MICAL2: variants seen among roughly 807,000 people sequenced by gnomAD.
MICAL2 encodes [F-actin]-monooxygenase MICAL2.
A neutral mutation model predicts 127.3 loss-of-function variants in MICAL2; 77 were observed. That is an observed-to-expected ratio of 0.60 (90% CI 0.50 to 0.73). MICAL2 has a LOEUF of 0.73. Ranked by LOEUF, MICAL2 falls within the 30% of genes least tolerant of loss-of-function variation. The pLI, the probability that MICAL2 is intolerant of heterozygous loss-of-function variation, is 0.00. For synonymous variants in MICAL2, 570 were observed against 551.1 expected, an observed-to-expected ratio of 1.03 and a Z score of -0.48; for missense variants, 1,351 against 1,434.4, an observed-to-expected ratio of 0.94 and a Z score of 0.94.
intron 32 of MICAL2, among the ~76,000 whole-genome samples, chr11:12,329,331 G>A (rs1293621691): frequency 1.3e-5 from 2 of 152,176 alleles, no homozygotes; most frequent in Non-Finnish European, 2.9e-5. Flanking sequence ...TTTGGTGCTT[G>A]GTCATATTCC....
Position 12,236,966 on chromosome 11 carries a change from C to T in MICAL2, c.2064+721C>T, listed in dbSNP as rs61877162. On this transcript the variant is annotated intron_variant, in intron 16 of 27. Transcript: ENST00000683283. The stretch of plus-strand genomic sequence containing the variant: ...AATGATGACTTAGAGGCATGAGGGA[C>T]GGTCTGTATAATACATTGATATCTG... Among the ~76,000 whole-genome samples, 1,471 of 152,258 alleles carry T rather than the reference C, an allele frequency of 9.7e-3. 29 individuals are homozygous for T. Among genetic ancestry groups the T allele is most frequent in the East Asian group, 0.04 (208 of 5,178 alleles).
chr11:12,280,413 A>C (rs1863760135), intron 1 of MICAL2, among the ~76,000 whole-genome samples: 1 of 152,156 alleles, frequency 6.6e-6, no homozygotes, highest in African/African-American at 2.4e-5. Context: ...ACAAAGCACC[A>C]CAGACTGGGT....
At chr11:12,153,843 G>T (rs1270198503) in intron 2 of MICAL2, among the ~76,000 whole-genome samples, 5 of 152,218 alleles carry the variant, frequency 3.3e-5, no homozygotes, top group African/African-American at 1.2e-4. Context: ...CAGTTTTCCT[G>T]GGCACCCAAT....
Position 12,163,135 on chromosome 11 carries a change from G to T in MICAL2, c.264+716G>T, listed in dbSNP as rs1855034684. 2.0e-5 allele frequency among the ~76,000 whole-genome samples: 3 copies of T among 152,234 alleles called. No homozygotes were observed. In the South Asian group the frequency reaches 6.2e-4, roughly 32 times the overall value. On this transcript the variant is annotated intron_variant, in intron 3 of 27. Transcript: ENST00000683283. ...CTCATAGTTAAGCCTACACGAACTG[G>T]TTGCATCCCCCATCATTTGGCCATA...
intron 29 of MICAL2, among the ~76,000 whole-genome samples, chr11:12,313,101 G>C (rs1864192991): frequency 7.0e-6 from 1 of 143,856 alleles, no homozygotes; most frequent in East Asian, 2.1e-4. Flanking sequence ...CGGAGAGGCG[G>C]AGCTTGCAGT....
chr11:12,186,467 TATAA>T (rs1436080688), intron 3 of MICAL2, among the ~76,000 whole-genome samples: 1 of 152,210 alleles, frequency 6.6e-6, no homozygotes, highest in Non-Finnish European at 1.5e-5. Context: ...TGTATGTGTA[TATAA>T]ATACTATATG....
intron 1 of MICAL2, among the ~76,000 whole-genome samples, chr11:12,138,049 AT>A (rs1380761025): frequency 2.0e-5 from 3 of 152,236 alleles, no homozygotes; most frequent in Non-Finnish European, 4.4e-5. Context: ...ACACTTAAAA[AT>A]TCTGACACTT....
intron 22 of MICAL2, among the ~76,000 whole-genome samples, chr11:12,251,812 A>G (rs1030285790): frequency 1.3e-5 from 2 of 152,244 alleles, no homozygotes; most frequent in Middle Eastern, 6.8e-3. Context: ...AGCCCTCTGC[A>G]TGCTTCAGTA....
rs1313002523 is a variant in MICAL2 at position 12,110,998 on chromosome 11, C to G, written c.-149+272C>G. Among the ~76,000 whole-genome samples, 1 of 152,186 alleles carries G rather than the reference C, an allele frequency of 6.6e-6. No individual in the cohort carries two copies. The highest frequency in any genetic ancestry group is 1.9e-4 in the East Asian group (1 of 5,182). On this transcript the variant is annotated intron_variant, in intron 1 of 27. Coordinates refer to ENST00000683283, the MANE Select transcript of MICAL2 (RefSeq NM_001282663.2). The surrounding 1 kb of genome is among the most constrained non-coding windows in gnomAD (Gnocchi z 4.5). ...CGCCGAACTACCTCTTACTCCGCTCCGCAACACCCAAACCCTGCAGTTCCA... is the reference window on the plus strand; with the variant it reads ...CGCCGAACTACCTCTTACTCCGCTCGGCAACACCCAAACCCTGCAGTTCCA...
At chr11:12,213,754 T>A (rs1252418439) in intron 7 of MICAL2, among the ~76,000 whole-genome samples, 1 of 152,138 alleles carries the variant, frequency 6.6e-6, no homozygotes. Flanking sequence ...GTATAAACCA[T>A]CCTAAGGCAG....
chr11:12,138,865 A>G (rs905425654), intron 2 of MICAL2, among the ~76,000 whole-genome samples: 2 of 152,138 alleles, frequency 1.3e-5, no homozygotes, highest in African/African-American at 4.8e-5. Flanking sequence ...ACAAAGCTTC[A>G]TCACAAACAG....
chr11:12,217,985 G>A lies in MICAL2; in HGVS notation c.948+1666G>A, dbSNP rs185142552. Among the ~76,000 whole-genome samples, 58 of 152,266 alleles carry A rather than the reference G, an allele frequency of 3.8e-4. No individual in the cohort carries two copies. In the Middle Eastern group the frequency reaches 0.01, roughly 27 times the overall value. On this transcript the variant is annotated intron_variant, in intron 8 of 27. Transcript: ENST00000683283. ...AATTTACATTGTTCTCTTGCTCCCTGGAGGAATGGCAAGTTTTCTGTTTTC... is the reference window on the plus strand; with the variant it reads ...AATTTACATTGTTCTCTTGCTCCCTAGAGGAATGGCAAGTTTTCTGTTTTC...
chr11:12,305,102 C>T lies in MICAL2; in HGVS notation c.5212+10245C>T, dbSNP rs549226356. On this transcript the variant is annotated intron_variant, in intron 29 of 34. Transcript: ENST00000646065. ...TGGATACCTGAAACCATGGATAATA[C>T]TGTATTAGTGCATTCTCACACTGCT... Among the ~76,000 whole-genome samples the T allele has an allele frequency of 8.5e-5, 13 of 152,220 alleles. No homozygotes were observed. In the East Asian group the frequency reaches 1.2e-3, roughly 14 times the overall value.
intron 29 of MICAL2, among the ~76,000 whole-genome samples, chr11:12,308,661 A>G (rs896809815): frequency 2.6e-5 from 4 of 152,224 alleles, no homozygotes; most frequent in African/African-American, 4.8e-5. Context: ...TAGCAAGACA[A>G]TCATGTTGTC....
At chr11:12,259,227 A>G (rs1176909123) in intron 25 of MICAL2, among the ~76,000 whole-genome samples, 1 of 152,264 alleles carries the variant, frequency 6.6e-6, no homozygotes, top group Non-Finnish European at 1.5e-5. Flanking sequence ...ACATTTTGTA[A>G]CATCCCTTTC....
intron 9 of MICAL2, 22 bp downstream of exon 9, chr11:12,220,480 C>CT (rs747559793): frequency 1.9e-6 from 3 of 1,601,404 alleles, no homozygotes; most frequent in Non-Finnish European, 2.5e-6. Context: ...GCTCGGAGCC[C>CT]CCATGTTTCT....
chr11:12,137,682 C>T (rs750132416), intron 1 of MICAL2, among the ~76,000 whole-genome samples: 1 of 152,132 alleles, frequency 6.6e-6, no homozygotes, highest in Non-Finnish European at 1.5e-5. Flanking sequence ...TGAATATTGC[C>T]TCTTATAGAT....
chr11:12,255,375 A>G lies in MICAL2; in HGVS notation c.2848-268A>G, dbSNP rs149012524. On this transcript the variant is annotated intron_variant, in intron 22 of 27. Coordinates refer to ENST00000683283, the MANE Select transcript of MICAL2 (RefSeq NM_001282663.2). ...AACCACTGTTCTACTGCCTGTCTCT[A>G]CGATTTTGACTACTCTAGGTACCAC... 309 of 440,596 alleles carry G rather than the reference A, an allele frequency of 7.0e-4. 1 individual carries two copies. Among genetic ancestry groups the G allele is most frequent in the East Asian group, 3.2e-3 (76 of 24,048 alleles). The allele number at this position is 440,596 out of a possible 1,614,324, so 27.3% of individuals were successfully genotyped here.
chr11:12,319,154 T>C (rs368736935), intron 29 of MICAL2, among the ~76,000 whole-genome samples: 53 of 152,218 alleles, frequency 3.5e-4, no homozygotes, highest in African/African-American at 1.3e-3. Context: ...ATTTTTTTTT[T>C]CTATGACCAG....
Sources: allele counts gnomAD v4.1 joint callset (sites outside exome capture counted in the v4.1 genomes callset), GRCh38; gene constraint gnomAD v4.1.1; non-coding constraint Gnocchi (gnomAD v3.1); transcripts MANE v1.5; gene names NCBI Gene and HGNC (gene_info 2026-07-23, HGNC 2026-07-21).